The following CDON variants were observed in gnomAD, a reference collection of about 807,000 sequenced individuals.
CDON encodes the protein cell adhesion molecule-related/down-regulated by oncogenes.
In CDON, 73 loss-of-function variants were observed where a neutral mutation model predicts 120.9. The ratio of observed to expected loss-of-function variants is 0.60; its 90% CI spans 0.50 to 0.73. The LOEUF (loss-of-function observed/expected upper bound fraction) is 0.73, where lower values mean the gene tolerates loss of function less well. CDON is among the 30% of genes least tolerant of loss of function. The pLI, the probability that CDON is intolerant of heterozygous loss-of-function variation, is 0.00. For synonymous variants in CDON, 566 were observed against 573.5 expected (o/e 0.99, Z 0.19); for missense variants, 1,470 against 1,587.3 (o/e 0.93, Z 1.26).
At chr11:126,048,968 G>C (rs1223923022) in intron 1 of CDON, among the ~76,000 whole-genome samples, 2 of 152,122 alleles carry the variant, frequency 1.3e-5, no homozygotes, top group African/African-American at 4.8e-5. Flanking sequence ...CTTCCAAAAT[G>C]CTGGGATTAC....
chr11:126,051,783 G>A (rs1268619739), intron 1 of CDON, among the ~76,000 whole-genome samples: 2 of 151,690 alleles, frequency 1.3e-5, no homozygotes, highest in African/African-American at 4.8e-5. Flanking sequence ...GAGTAGCTGG[G>A]ATTACAGGCA....
At position 126,010,499 on chromosome 11, in the gene CDON, G is replaced by T. The variant is rs773719753; in HGVS notation, c.1394C>A (p.Pro465His). The part of the protein sequence containing the change: ...SKSRKSQLSR[P>H]EGLNLEPVYF... Reference sequence around the variant, plus strand: ...CACAGGCTCCAGGTTCAAGCCCTCAGGTCTTGATAACTGTGATTTTCGGGA... The same window carrying T: ...CACAGGCTCCAGGTTCAAGCCCTCATGTCTTGATAACTGTGATTTTCGGGA... Residue 465 changes from proline (P) to histidine (H), a missense_variant, in exon 8 of 20, where the codon CCT (proline) becomes CAT (histidine). Pro to His is a moderately conservative substitution (Grantham distance 77, BLOSUM62 -2). Transcript: ENST00000531738. 25 of 1,613,976 alleles carry T rather than the reference G, an allele frequency of 1.5e-5. No homozygotes were observed. Among genetic ancestry groups the T allele is most frequent in the Non-Finnish European group, 2.0e-5 (24 of 1,180,002 alleles).
intron 4 of CDON, 138 bp from the exon 5 acceptor site, chr11:126,018,611 C>T: frequency 1.3e-6 from 1 of 771,292 alleles, no homozygotes. Flanking sequence ...TTCTGTCACC[C>T]AGGCTGTAGT....
intron 1 of CDON, among the ~76,000 whole-genome samples, chr11:126,055,723 C>T (rs1406171624): frequency 6.6e-6 from 1 of 152,104 alleles, no homozygotes; most frequent in Non-Finnish European, 1.5e-5. Flanking sequence ...ACTGGGCCAA[C>T]AAATGGCTTC....
chr11:126,026,081 G>C (rs1033619583), intron 1 of CDON, among the ~76,000 whole-genome samples: 3 of 152,164 alleles, frequency 2.0e-5, no homozygotes, highest in African/African-American at 7.2e-5. Flanking sequence ...GCAGAAAGTA[G>C]CTTTTTCAAA....
At chr11:125,988,972 T>A (rs944380572) in intron 15 of CDON, among the ~76,000 whole-genome samples, 8 of 152,018 alleles carry the variant, frequency 5.3e-5, no homozygotes, top group African/African-American at 1.9e-4. Flanking sequence ...ATTTCTAATA[T>A]CTTTGTAAAG....
rs1284972415 is a variant in CDON at position 126,010,598 on chromosome 11, G to A, written c.1295C>T (p.Pro432Leu). 5.6e-6 allele frequency: 9 copies of A among 1,614,016 alleles called. No individual in the cohort carries two copies. The highest frequency in any genetic ancestry group is 2.2e-5 in the East Asian group (1 of 44,894). Residue 432 changes from proline to leucine, a missense_variant, in exon 8 of 20, where the codon CCG (proline) becomes CTG (leucine). Coordinates refer to ENST00000531738, the MANE Select transcript of CDON (RefSeq NM_001378964.1). ...VTLSCNASGLPVPVIRWYDSH... is the reference protein window; with the variant it reads ...VTLSCNASGLLVPVIRWYDSH... ...GTCATACCAACGAATGACCGGAACCGGCAGCCCACTGGCATTGCAGGACAG... is the reference window on the plus strand; with the variant it reads ...GTCATACCAACGAATGACCGGAACCAGCAGCCCACTGGCATTGCAGGACAG...
intron 15 of CDON, among the ~76,000 whole-genome samples, chr11:125,984,661 C>A (rs910718148): frequency 1.4e-5 from 2 of 146,318 alleles, no homozygotes; most frequent in Non-Finnish European, 3.0e-5. Context: ...CACGCCACTG[C>A]ACTTCAACCT....
intron 3 of CDON, among the ~76,000 whole-genome samples, chr11:126,020,753 CT>C (rs1450485633): frequency 2.0e-5 from 3 of 152,158 alleles, no homozygotes; most frequent in Non-Finnish European, 4.4e-5. Context: ...TTTACAGTTA[CT>C]TTTTTCCTGC....
Position 126,017,239 on chromosome 11 carries a change from C to A in CDON, c.777G>T (p.Gly259=). 5 of 1,614,128 alleles carry A rather than the reference C, an allele frequency of 3.1e-6. No homozygotes were observed. Among genetic ancestry groups the A allele is most frequent in the Non-Finnish European group, 8.5e-7 (1 of 1,180,030 alleles). ...PAPQVYWLKD[G]QDIAPGSNWR... is the part of the protein sequence containing the mutation. Reference sequence around the variant, plus strand: ...AGTTGCTTCCTGGTGCAATGTCCTGCCCGTCCTTTAGCCAATACACTTGAG... The same window carrying A: ...AGTTGCTTCCTGGTGCAATGTCCTGACCGTCCTTTAGCCAATACACTTGAG... Residue 259 remains glycine, a synonymous_variant, in exon 6 of 20, where the codon GGG becomes GGT. Coordinates refer to ENST00000531738, the MANE Select transcript of CDON (RefSeq NM_001378964.1).
intron 14 of CDON, among the ~76,000 whole-genome samples, chr11:125,992,246 T>C (rs1946650211): frequency 6.6e-6 from 1 of 151,370 alleles, no homozygotes; most frequent in African/African-American, 2.4e-5. Flanking sequence ...CACTATTAGG[T>C]TGGTGCAAAA....
intron 18 of CDON, among the ~76,000 whole-genome samples, chr11:125,965,798 C>T (rs1489468675): frequency 2.0e-5 from 3 of 152,170 alleles, no homozygotes; most frequent in Non-Finnish European, 4.4e-5. Context: ...GAGGGGAAAA[C>T]ATCTTCCAGA....
At chr11:125,961,456 T>A (rs1216114691) in intron 19 of CDON, among the ~76,000 whole-genome samples, 1 of 152,178 alleles carries the variant, frequency 6.6e-6, no homozygotes, top group Non-Finnish European at 1.5e-5. Flanking sequence ...ACCCTACGAA[T>A]GAAATCAAAG....
At chr11:126,010,280 C>CT (rs1477227319) in intron 8 of CDON, 61 bp downstream of exon 8, 1 of 1,151,728 alleles carries the variant, frequency 8.7e-7, no homozygotes, top group Non-Finnish European at 1.3e-6. Flanking sequence ...TTTCAAATCA[C>CT]TTTATCTTCT....
intron 3 of CDON, 54 bp from the exon 4 acceptor site, chr11:126,019,819 T>C (rs1947581968): frequency 2.6e-6 from 4 of 1,522,544 alleles, no homozygotes; most frequent in Non-Finnish European, 2.7e-6. Flanking sequence ...GAATTCTTTT[T>C]CCCAAAGGAA....
At chr11:125,992,371 CA>C (rs901973409) in intron 14 of CDON, among the ~76,000 whole-genome samples, 6 of 152,164 alleles carry the variant, frequency 3.9e-5, no homozygotes, top group African/African-American at 1.4e-4. Flanking sequence ...TTTTTACTGG[CA>C]TAAAGTATGC....
intron 1 of CDON, among the ~76,000 whole-genome samples, chr11:126,042,399 C>T (rs1948285376): frequency 6.6e-6 from 1 of 152,176 alleles, no homozygotes; most frequent in Non-Finnish European, 1.5e-5. Context: ...GGGACACATG[C>T]AGTATGAAAA....
At position 125,958,637 on chromosome 11, in the gene CDON, T is replaced by A. The variant is rs1945556845; in HGVS notation, c.*2305A>T. The A allele has an allele frequency of 1.3e-5, 2 of 151,362 alleles. No individual in the cohort carries two copies. The highest frequency in any genetic ancestry group is 2.4e-5 in the African/African-American group (1 of 41,110). 9.4% of individuals were successfully genotyped at this position (151,362 alleles called of 1,614,324 possible). ...TATTTCAATATATAAAGGCATTTTT[T>A]ATAAATAAAATACAATAAAAAGAAT... On this transcript the variant is annotated 3_prime_UTR_variant, in exon 20 of 20. Coordinates refer to ENST00000531738, the MANE Select transcript of CDON (RefSeq NM_001378964.1).
chr11:126,019,636 C>G lies in CDON; in HGVS notation c.479G>C (p.Trp160Ser). The G allele has an allele frequency of 6.2e-7, 1 of 1,614,144 alleles. No individual in the cohort carries two copies. The highest frequency in any genetic ancestry group is 8.5e-7 in the Non-Finnish European group (1 of 1,180,016). The change falls in exon 4 of 20, where the codon TGG becomes TCG. Residue 160 changes from tryptophan (W) to serine (S), a missense_variant. By Grantham distance (177) the Trp-to-Ser change is radical (BLOSUM62 -3). Coordinates refer to ENST00000531738, the MANE Select transcript of CDON (RefSeq NM_001378964.1). The stretch of plus-strand genomic sequence containing the variant: ...GGTCTCACCTGTGGAATGTTCCAGC[C>G]ATTTTCCCCGGATTTTATAGCGCAC... ...AEVRYKIRGK[W>S]LEHSTENYLI...
Sources: gnomAD v4.1 joint callset for allele counts (sites outside exome capture counted in the v4.1 genomes callset) on GRCh38, gnomAD v4.1.1 for gene constraint, MANE v1.5 for transcripts, NCBI Gene and HGNC (gene_info 2026-07-23, HGNC 2026-07-21) for gene names.